The following ERAL1 variants were observed in gnomAD, a reference collection of about 807,000 sequenced individuals.
ERAL1 encodes GTPase Era, mitochondrial.
ERAL1 carries 36 observed loss-of-function variants against 53.6 expected under a neutral mutation model. The observed-to-expected ratio is 0.67, with a 90% CI of 0.51 to 0.89. The LOEUF is 0.89. Among genes scored for constraint, ERAL1 ranks in the 40% least tolerant of loss-of-function variants. ERAL1 has a pLI of 0.00. For synonymous variants in ERAL1, 215 were observed against 211.8 expected, an observed-to-expected ratio of 1.02 and a Z score of -0.13; for missense variants, 512 against 537.5, an observed-to-expected ratio of 0.95 and a Z score of 0.47.
chr17:28,857,351 C>T (rs939887336), intron 3 of ERAL1, among the ~76,000 whole-genome samples: 12 of 151,678 alleles, frequency 7.9e-5, no homozygotes, highest in African/African-American at 2.9e-4. Flanking sequence ...AGGTGATCCG[C>T]CTGCCTTGGC....
chr17:28,858,833 G>C lies in ERAL1; in HGVS notation c.960+9G>C. 4 of 1,614,160 alleles carry C rather than the reference G, an allele frequency of 2.5e-6. No homozygotes were observed. Among genetic ancestry groups the C allele is most frequent in the Non-Finnish European group, 3.4e-6 (4 of 1,179,990 alleles). The stretch of plus-strand genomic sequence containing the variant: ...ACGTGAAAACACTAAAGGTCAGTTA[G>C]TCTTGGCCATAGCCTGGCCCTTGGT... On this transcript the variant is annotated intron_variant, in intron 7 of 9. Transcript: ENST00000254928.
In ERAL1 at chr17:28,856,341, G is replaced by T; in HGVS notation, c.361G>T (p.Ala121Ser). 3.1e-6 allele frequency: 5 copies of T among 1,614,170 alleles called. No individual in the cohort carries two copies. Among genetic ancestry groups the T allele is most frequent in the Non-Finnish European group, 4.2e-6 (5 of 1,180,014 alleles). Reference sequence around the variant, plus strand: ...GGTCCTACGAGTGGTCCTCCTGGGAGCCCCGAATGCAGGGAAGTCAACACT... The same window carrying T: ...GGTCCTACGAGTGGTCCTCCTGGGATCCCCGAATGCAGGGAAGTCAACACT... The part of the protein sequence containing the change: ...SRVLRVVLLG[A>S]PNAGKSTLSN... The change falls in exon 2 of 10, where the codon GCC becomes TCC. Residue 121 changes from alanine (A) to serine (S), a missense_variant. Coordinates refer to ENST00000254928, the MANE Select transcript of ERAL1 (RefSeq NM_005702.4).
chr17:28,858,224 G>A lies in ERAL1; in HGVS notation c.598+17G>A. On this transcript the variant is annotated intron_variant, in intron 5 of 9. Coordinates refer to ENST00000254928, the MANE Select transcript of ERAL1 (RefSeq NM_005702.4). ...CTGATCTTGGTTAGGTTCAGGATGG[G>A]AACCTTAAGCCCAGTTTACAGGGGT... The A allele has an allele frequency of 6.2e-7, 1 of 1,613,604 alleles. No homozygotes were observed. The highest frequency in any genetic ancestry group is 8.5e-7 in the Non-Finnish European group (1 of 1,179,936).
Position 28,858,616 on chromosome 17 carries a change from C to T in ERAL1, c.752C>T (p.Thr251Met), listed in dbSNP as rs149599529. The T allele has an allele frequency of 8.1e-6, 13 of 1,614,068 alleles. No individual in the cohort carries two copies. The highest frequency in any genetic ancestry group is 6.7e-5 in the African/African-American group (5 of 74,926). The change falls in exon 7 of 10, where the codon ACG becomes ATG. Residue 251 changes from threonine to methionine, a missense_variant. Coordinates refer to ENST00000254928, the MANE Select transcript of ERAL1 (RefSeq NM_005702.4). ...LKQKSVLLEL[T>M]AALTEGVVNG... ...CAGAAGTCAGTTCTCCTGGAGCTCA[C>T]GGCAGCCCTCACTGAAGGTGTGGTC... is the stretch of plus-strand genomic sequence containing the variant.
In ERAL1 at chr17:28,860,669, G is replaced by A. The variant is rs1229117186; in HGVS notation, c.*116G>A. 3 of 1,339,896 alleles carry A rather than the reference G, an allele frequency of 2.2e-6. No individual in the cohort carries two copies. The African/African-American group carries it at 4.5e-5, about 20-fold the overall frequency. The allele number at this position is 1,339,896 out of a possible 1,614,324, so 83.0% of individuals were successfully genotyped here. ...CTGGTGAGAGACATGAACACTGACT[G>A]GCCACTAGCTGGCCTGGCCCTGTTG... On this transcript the variant is annotated 3_prime_UTR_variant, in exon 10 of 10. Coordinates refer to ENST00000254928, the MANE Select transcript of ERAL1 (RefSeq NM_005702.4).
In ERAL1 at chr17:28,859,236, G is replaced by A; in HGVS notation, c.1144G>A (p.Glu382Lys). ...AGTGTGGGAGGAAGGACCAGGTGGG[G>A]AGCTGGTTATCCAACAGAAGCTTCT... ...TAVWEEGPGG[E>K]LVIQQKLLVP... The change falls in exon 9 of 10, where the codon GAG (glutamate) becomes AAG (lysine). Residue 382 changes from glutamate (E) to lysine (K), a missense_variant. Transcript: ENST00000254928. 2 of 1,614,194 alleles carry A rather than the reference G, an allele frequency of 1.2e-6. No individual in the cohort carries two copies. Among genetic ancestry groups the A allele is most frequent in the Non-Finnish European group, 1.7e-6 (2 of 1,180,034 alleles).
At chr17:28,859,353 C>A in intron 9 of ERAL1, 70 bp downstream of exon 9, 1 of 1,452,506 alleles carries the variant, frequency 6.9e-7, no homozygotes, top group Non-Finnish European at 9.6e-7. Flanking sequence ...CAGCTTGGAG[C>A]CCTGAGAGCA....
In ERAL1 at chr17:28,860,703, C is replaced by G. The variant is rs934961146; in HGVS notation, c.*150C>G. On this transcript the variant is annotated 3_prime_UTR_variant, in exon 10 of 10. Coordinates refer to ENST00000254928, the MANE Select transcript of ERAL1 (RefSeq NM_005702.4). ...CTGGCCTGGCCCTGTTGAGTCTGCA[C>G]AGTCCCTGCCCAGCTGTGTCTTCTG... The G allele has an allele frequency of 3.3e-6, 3 of 917,534 alleles. No individual in the cohort carries two copies. Among genetic ancestry groups the G allele is most frequent in the Non-Finnish European group, 4.6e-6 (3 of 646,460 alleles). 56.8% of individuals were successfully genotyped at this position (917,534 alleles called of 1,614,324 possible).
intron 9 of ERAL1, among the ~76,000 whole-genome samples, chr17:28,860,109 G>A (rs570280143): frequency 1.3e-5 from 2 of 152,046 alleles, no homozygotes; most frequent in Non-Finnish European, 2.9e-5. Context: ...CCAAGTAGCT[G>A]AGATTACAGG....
At chr17:28,856,228 C>G (rs1267477137) in intron 1 of ERAL1, 36 bp from the exon 2 acceptor site, 1 of 1,611,642 alleles carries the variant, frequency 6.2e-7, no homozygotes, top group South Asian at 1.1e-5. Flanking sequence ...AATCCAGATT[C>G]CACTGTGTCT....
chr17:28,860,477 A>C lies in ERAL1; in HGVS notation c.1238A>C (p.Gln413Pro). ...GGCCACGTGATCTCCCAGATAGCAC[A>C]GGAGGCAGGCCATGACCTCATGGAC... ...PKGHVISQIA[Q>P]EAGHDLMDIF... The change falls in exon 10 of 10, where the codon CAG (glutamine) becomes CCG (proline). Residue 413 changes from glutamine (Q) to proline (P), a missense_variant. Coordinates refer to ENST00000254928, the MANE Select transcript of ERAL1 (RefSeq NM_005702.4). The C allele has an allele frequency of 6.2e-7, 1 of 1,610,924 alleles. No homozygotes were observed. The highest frequency in any genetic ancestry group is 8.5e-7 in the Non-Finnish European group (1 of 1,178,816).
At chr17:28,856,677 T>A in intron 3 of ERAL1, 95 bp downstream of exon 3, 1 of 1,103,694 alleles carries the variant, frequency 9.1e-7, no homozygotes, top group Non-Finnish European at 1.4e-6. Flanking sequence ...GATGGTCACA[T>A]TCATTTATGT....
At position 28,855,244 on chromosome 17, in the gene ERAL1, GGA is replaced by G; in HGVS notation, c.211_212del (p.Asp71ProfsTer25). 6.2e-7 allele frequency: 1 copy of G among 1,613,468 alleles called. No homozygotes were observed. The highest frequency in any genetic ancestry group is 8.5e-7 in the Non-Finnish European group (1 of 1,179,542). Reference protein sequence around the residue: ...SRSNGQGSALDHFLGFSQPDS... With the variant: ...SRSNGQGSALXHFLGFSQPDS... ...GCAGTAATGGCCAGGGCTCTGCCCT[GGA>G]CCACTTCCTCGGATTCTCTCAGCCC... On this transcript the variant is annotated frameshift_variant, in exon 1 of 10. Transcript: ENST00000254928. LOFTEE classifies it high-confidence loss of function.
At chr17:28,856,986 C>T (rs1485462319) in intron 3 of ERAL1, among the ~76,000 whole-genome samples, 1 of 151,638 alleles carries the variant, frequency 6.6e-6, no homozygotes, top group East Asian at 1.9e-4. Flanking sequence ...GCTGGGATTA[C>T]AGGTGTGAGC....
At chr17:28,858,027 G>C (rs768640741) in intron 4 of ERAL1, 42 bp downstream of exon 4, 1 of 1,613,882 alleles carries the variant, frequency 6.2e-7, no homozygotes, top group East Asian at 2.2e-5. Flanking sequence ...GGGAGGTACT[G>C]AAAGAGGGTG....
At chr17:28,859,155 A>G in intron 8 of ERAL1, 42 bp downstream of exon 8, 1 of 1,613,974 alleles carries the variant, frequency 6.2e-7, no homozygotes, top group Non-Finnish European at 8.5e-7. Flanking sequence ...TCAGACACAC[A>G]CCTCTACCCA....
At position 28,858,048 on chromosome 17, in the gene ERAL1, A is replaced by T. The variant is rs962103123; in HGVS notation, c.536+63A>T. The T allele has an allele frequency of 6.2e-6, 10 of 1,612,918 alleles. No individual in the cohort carries two copies. The African/African-American group carries it at 1.2e-4, about 19-fold the overall frequency. ...TACTGAAAGAGGGTGGGGAGATTCC[A>T]TTATAGGGGCTGGAAAACCCCTTTA... On this transcript the variant is annotated intron_variant, in intron 4 of 9. Coordinates refer to ENST00000254928, the MANE Select transcript of ERAL1 (RefSeq NM_005702.4).
intron 3 of ERAL1, 36 bp from the exon 4 acceptor site, chr17:28,857,903 T>C: frequency 3.7e-6 from 6 of 1,612,544 alleles, no homozygotes; most frequent in Non-Finnish European, 5.1e-6. Context: ...TAATCTTTTC[T>C]CCTGGGGTCT....
Position 28,860,796 on chromosome 17 carries a change from G to T in ERAL1, c.*243G>T. ...CTCTGCCTGGCACCACAGCTACAAAGGTGTAGCTAAGAAGATGGCCCATTG... is the reference window on the plus strand; with the variant it reads ...CTCTGCCTGGCACCACAGCTACAAATGTGTAGCTAAGAAGATGGCCCATTG... On this transcript the variant is annotated 3_prime_UTR_variant, in exon 10 of 10. Transcript: ENST00000254928. 1 of 327,572 alleles carries T rather than the reference G, an allele frequency of 3.1e-6. No homozygotes were observed. The allele number at this position is 327,572 out of a possible 1,614,324, so 20.3% of individuals were successfully genotyped here.
Sources: allele counts gnomAD v4.1 joint callset (sites outside exome capture counted in the v4.1 genomes callset), GRCh38; gene constraint gnomAD v4.1.1; transcripts MANE v1.5; gene names NCBI Gene and HGNC (gene_info 2026-07-23, HGNC 2026-07-21).